MAST2: variants seen among roughly 807,000 people sequenced by gnomAD.
MAST2 encodes microtubule-associated serine/threonine-protein kinase 2.
In MAST2, 70 loss-of-function variants were observed where a neutral mutation model predicts 147.4. The ratio of observed to expected loss-of-function variants is 0.47; its 90% CI spans 0.39 to 0.58. The LOEUF is 0.58. Among genes scored for constraint, MAST2 ranks in the 20% least tolerant of loss-of-function variants. The pLI is 0.00. For synonymous variants in MAST2, 869 were observed against 896.8 expected, an observed-to-expected ratio of 0.97 and a Z score of 0.55; for missense variants, 2,080 against 2,302.3, an observed-to-expected ratio of 0.90 and a Z score of 1.98.
intron 3 of MAST2, among the ~76,000 whole-genome samples, chr1:45,877,202 G>A (rs1192200356): frequency 6.6e-6 from 1 of 152,188 alleles, no homozygotes; most frequent in African/African-American, 2.4e-5. Context: ...TCTTCACATG[G>A]TGGAGGATGG....
At chr1:45,832,681 T>A (rs1644995508) in intron 3 of MAST2, among the ~76,000 whole-genome samples, 1 of 152,218 alleles carries the variant, frequency 6.6e-6, no homozygotes, top group Admixed American at 6.5e-5. Flanking sequence ...TATTCCACTT[T>A]AAGGTGGTAT....
intron 3 of MAST2, among the ~76,000 whole-genome samples, chr1:45,880,850 G>A (rs971533826): frequency 6.6e-6 from 1 of 151,578 alleles, no homozygotes; most frequent in Non-Finnish European, 1.5e-5. Context: ...GGGCATGGTG[G>A]TGCATGCCTG....
chr1:45,987,776 GAT>G (rs1644695148), intron 5 of MAST2, among the ~76,000 whole-genome samples: 8 of 30,704 alleles, frequency 2.6e-4, no homozygotes, highest in Admixed American at 4.2e-4. Flanking sequence ...TTTTTTTTTT[GAT>G]TTTTTTTTTT....
intron 5 of MAST2, among the ~76,000 whole-genome samples, chr1:45,971,351 T>C (rs1643906039): frequency 6.6e-6 from 1 of 152,200 alleles, no homozygotes; most frequent in Non-Finnish European, 1.5e-5. Context: ...GTGAGCACTT[T>C]GTGTCCTCAG....
chr1:45,970,629 C>G (rs990446194), intron 5 of MAST2, among the ~76,000 whole-genome samples: 8 of 144,588 alleles, frequency 5.5e-5, no homozygotes, highest in African/African-American at 1.8e-4. Flanking sequence ...GATCGCACCA[C>G]TGCACTCCAG....
At chr1:46,025,509 C>T (rs1213927170) in intron 15 of MAST2, among the ~76,000 whole-genome samples, 168 bp from the exon 16 acceptor site, 2 of 152,132 alleles carry the variant, frequency 1.3e-5, no homozygotes, top group African/African-American at 4.8e-5. Context: ...ACCATATCAC[C>T]CTGTCTCCCA....
chr1:45,882,063 G>T (rs1646875156), intron 3 of MAST2, among the ~76,000 whole-genome samples: 1 of 149,298 alleles, frequency 6.7e-6, no homozygotes, highest in African/African-American at 2.5e-5. Flanking sequence ...GTGGTGGCGG[G>T]TGCCTGTAGT....
At chr1:45,833,200 A>G (rs1484241792) in intron 3 of MAST2, among the ~76,000 whole-genome samples, 2 of 152,068 alleles carry the variant, frequency 1.3e-5, no homozygotes, top group Non-Finnish European at 2.9e-5. Flanking sequence ...CATTTCCTTC[A>G]TTCTTCACCT....
At chr1:45,875,042 A>G (rs771712323) in intron 3 of MAST2, among the ~76,000 whole-genome samples, 1 of 152,224 alleles carries the variant, frequency 6.6e-6, no homozygotes, top group Non-Finnish European at 1.5e-5. Context: ...AATTATGCAA[A>G]TGATACTGAG....
chr1:45,838,944 C>T (rs1645187186), intron 3 of MAST2, among the ~76,000 whole-genome samples: 1 of 152,018 alleles, frequency 6.6e-6, no homozygotes, highest in Non-Finnish European at 1.5e-5. Flanking sequence ...AGAGATACAA[C>T]ATTTTTGTGT....
intron 3 of MAST2, among the ~76,000 whole-genome samples, chr1:45,834,781 T>A (rs1645055113): frequency 6.6e-6 from 1 of 152,166 alleles, no homozygotes; most frequent in Non-Finnish European, 1.5e-5. Context: ...GTTCCTGCTT[T>A]GCTTTCTCCT....
At chr1:45,996,109 A>G (rs1645046362) in intron 5 of MAST2, among the ~76,000 whole-genome samples, 1 of 149,974 alleles carries the variant, frequency 6.7e-6, no homozygotes, top group South Asian at 2.2e-4. Context: ...TCTCGGTGTT[A>G]GCTATTTCTG....
At chr1:45,983,329 A>AT (rs1644485687) in intron 5 of MAST2, among the ~76,000 whole-genome samples, 2 of 152,178 alleles carry the variant, frequency 1.3e-5, no homozygotes, top group Non-Finnish European at 2.9e-5. Context: ...AGACTCAGAA[A>AT]AAGTCTTTGA....
At chr1:45,962,583 C>G (rs1660585677) in intron 5 of MAST2, among the ~76,000 whole-genome samples, 2 of 152,200 alleles carry the variant, frequency 1.3e-5, no homozygotes, top group Admixed American at 1.3e-4. Context: ...TGAGAAGTGT[C>G]TGTTCATATC....
intron 2 of MAST2, among the ~76,000 whole-genome samples, chr1:45,827,954 C>T (rs1032569549): frequency 2.0e-5 from 3 of 152,100 alleles, no homozygotes; most frequent in Non-Finnish European, 4.4e-5. Flanking sequence ...TCCTCAGCCT[C>T]CTGAGTAGCT....
At chr1:45,994,349 G>C (rs973443736) in intron 5 of MAST2, among the ~76,000 whole-genome samples, 4 of 137,172 alleles carry the variant, frequency 2.9e-5, no homozygotes, top group African/African-American at 1.1e-4. Context: ...GCAGTGGCAT[G>C]ATCTCGGCTC....
intron 4 of MAST2, among the ~76,000 whole-genome samples, chr1:45,939,309 A>G (rs1029851690): frequency 6.6e-6 from 1 of 152,152 alleles, no homozygotes; most frequent in Non-Finnish European, 1.5e-5. Context: ...TGTTGAAGTC[A>G]ATTGACCACA....
chr1:45,832,197 CAA>C (rs1235891643), intron 3 of MAST2, among the ~76,000 whole-genome samples: 3 of 151,904 alleles, frequency 2.0e-5, no homozygotes, highest in Non-Finnish European at 4.4e-5. Flanking sequence ...GAACCTAAAA[CAA>C]ACAAACAAAC....
At chr1:45,864,597 T>G (rs1160033889) in intron 3 of MAST2, among the ~76,000 whole-genome samples, 1 of 152,200 alleles carries the variant, frequency 6.6e-6, no homozygotes, top group African/African-American at 2.4e-5. Flanking sequence ...GAATCGTATG[T>G]TTTTCTTTGT....
Sources: allele counts gnomAD v4.1 joint callset (sites outside exome capture counted in the v4.1 genomes callset), GRCh38; gene constraint gnomAD v4.1.1; transcripts MANE v1.5; gene names NCBI Gene and HGNC (gene_info 2026-07-23, HGNC 2026-07-21).